The following ACSF2 variants were observed in gnomAD, a reference collection of about 807,000 sequenced individuals.
ACSF2 encodes acyl-CoA synthetase family member 2.
In ACSF2, 52 loss-of-function variants were observed where a neutral mutation model predicts 79.3. The ratio of observed to expected loss-of-function variants is 0.66; its 90% CI spans 0.53 to 0.83. ACSF2 has a LOEUF of 0.83. Among genes scored for constraint, ACSF2 ranks in the 40% least tolerant of loss-of-function variants. ACSF2 has a pLI of 0.00. For missense variants in ACSF2, 661 were observed against 803.3 expected (o/e 0.82, Z 2.14); for synonymous variants, 283 against 312.6 (o/e 0.91, Z 1.00).
At chr17:50,464,067 G>A in intron 9 of ACSF2, 151 bp from the exon 10 acceptor site, 1 of 1,185,938 alleles carries the variant, frequency 8.4e-7, no homozygotes, top group Non-Finnish European at 1.2e-6. Context: ...CAGTGTCCCT[G>A]GACACCAGCC....
chr17:50,467,939 G>A (rs1366895210), intron 10 of ACSF2: 4 of 1,283,398 alleles, frequency 3.1e-6, no homozygotes, highest in African/African-American at 1.5e-5. Context: ...AGAGGGACAG[G>A]GAACCTGGGG....
rs55706027 is a variant in ACSF2, at chr17:50,460,998, A to T, written c.324+126A>T. On this transcript the variant is annotated intron_variant, in intron 2 of 15. Transcript: ENST00000300441. ...GTGCTAGGGCTGCCAGAGAACCCCG[A>T]GGGATGGCAGGAGAAGGAGACAGGA... is the stretch of plus-strand genomic sequence containing the variant. The T allele has an allele frequency of 9.1e-3, 11,147 of 1,222,778 alleles. 78 individuals carry two copies. Among genetic ancestry groups the T allele is most frequent in the Non-Finnish European group, 0.011 (9,549 of 886,990 alleles). The allele number at this position is 1,222,778 out of a possible 1,614,324, so 75.7% of individuals were successfully genotyped here. A position where few individuals can be genotyped will look rare whatever the true frequency, so the allele number is the denominator to read the frequency against.
At chr17:50,462,091 A>G in intron 4 of ACSF2, 93 bp from the exon 5 acceptor site, 2 of 1,039,386 alleles carry the variant, frequency 1.9e-6, no homozygotes, top group Non-Finnish European at 2.9e-6. Flanking sequence ...AAGCGGGTGC[A>G]TCTGTATGAG....
At chr17:50,448,953 A>C (rs2031473410) in intron 1 of ACSF2, among the ~76,000 whole-genome samples, 1 of 151,992 alleles carries the variant, frequency 6.6e-6, no homozygotes, top group African/African-American at 2.4e-5. Context: ...ACTTTTTCAC[A>C]AACTATGTAT....
At chr17:50,451,891 A>T (rs2031702067) in intron 1 of ACSF2, among the ~76,000 whole-genome samples, 1 of 152,160 alleles carries the variant, frequency 6.6e-6, no homozygotes, top group African/African-American at 2.4e-5. Flanking sequence ...TTGAGTCATT[A>T]TGTGCATTAT....
At chr17:50,434,175 T>C (rs1327096716) in intron 1 of ACSF2, among the ~76,000 whole-genome samples, 2 of 151,500 alleles carry the variant, frequency 1.3e-5, no homozygotes, top group African/African-American at 4.8e-5. Context: ...ACAAATTAGT[T>C]GGGTGTGGTG....
chr17:50,464,307 T>C lies in ACSF2; in HGVS notation c.1215+13T>C, dbSNP rs375179745. ...GAAGGACCTGGTGGTGAGTGGTGACTGCGGCCCGGGCTGTGGGCAGGCCAG... is the reference window on the plus strand; with the variant it reads ...GAAGGACCTGGTGGTGAGTGGTGACCGCGGCCCGGGCTGTGGGCAGGCCAG... On this transcript the variant is annotated intron_variant, in intron 10 of 15. Transcript: ENST00000300441. The C allele has an allele frequency of 6.2e-7, 1 of 1,613,718 alleles. No homozygotes were observed. The highest frequency in any genetic ancestry group is 1.3e-5 in the African/African-American group (1 of 74,844).
At chr17:50,451,050 G>C (rs1009122108) in intron 1 of ACSF2, among the ~76,000 whole-genome samples, 4 of 152,120 alleles carry the variant, frequency 2.6e-5, no homozygotes, top group Non-Finnish European at 5.9e-5. Flanking sequence ...CTTCAGAGTA[G>C]CTAGGCCTCC....
At position 50,471,652 on chromosome 17, in the gene ACSF2, T is replaced by C; in HGVS notation, c.1323+517T>C. The C allele has an allele frequency of 6.0e-6, 1 of 166,156 alleles. No individual in the cohort carries two copies. The highest frequency in any genetic ancestry group is 2.4e-5 in the African/African-American group (1 of 41,996). 10.3% of individuals were successfully genotyped at this position (166,156 alleles called of 1,614,324 possible). A position where few individuals can be genotyped will look rare whatever the true frequency, so the allele number is the denominator to read the frequency against. On this transcript the variant is annotated intron_variant, in intron 11 of 15. Coordinates refer to ENST00000300441, the MANE Select transcript of ACSF2 (RefSeq NM_025149.6). This position sits in a 1 kb window ranked among gnomAD's most constrained non-coding sequence, Gnocchi z 4.1. ...TGCCCAGCCATGCCTCCTTTCCTGC[T>C]CCAACACTGGGGCTGTGCCAGCTGG...
At chr17:50,437,916 A>G (rs539571961) in intron 1 of ACSF2, among the ~76,000 whole-genome samples, 1 of 152,354 alleles carries the variant, frequency 6.6e-6, no homozygotes, top group South Asian at 2.1e-4. Context: ...AAAATTATAA[A>G]TGAAAGAAAA....
intron 1 of ACSF2, among the ~76,000 whole-genome samples, chr17:50,443,262 A>T (rs976077134): frequency 2.6e-5 from 4 of 152,116 alleles, no homozygotes; most frequent in Non-Finnish European, 4.4e-5. Context: ...TAGATCCCTA[A>T]AAGTAGAATT....
Position 50,464,233 on chromosome 17 carries a change from C to A in ACSF2, c.1154C>A (p.Ser385Tyr), listed in dbSNP as rs2143729585. ...TCTGATTCAGGTGTCATTGCTGGGT[C>A]CCCTGCACCTCCAGAGTTGATCCGA... ...STMCGGVIAG[S>Y]PAPPELIRAI... Residue 385 changes from serine (S) to tyrosine (Y), a missense_variant, in exon 10 of 16, where the codon TCC (serine) becomes TAC (tyrosine). By Grantham distance (144) the Ser-to-Tyr change is moderately radical (BLOSUM62 -2). Coordinates refer to ENST00000300441, the MANE Select transcript of ACSF2 (RefSeq NM_025149.6). The A allele has an allele frequency of 6.2e-7, 1 of 1,614,128 alleles. No homozygotes were observed. The highest frequency in any genetic ancestry group is 8.5e-7 in the Non-Finnish European group (1 of 1,180,024).
rs2033234400 is a variant in ACSF2 at position 50,473,986 on chromosome 17, A to C, written c.1710A>C (p.Lys570Asn). The C allele has an allele frequency of 5.3e-6, 8 of 1,514,980 alleles. No homozygotes were observed. The highest frequency in any genetic ancestry group is 7.1e-6 in the Non-Finnish European group (8 of 1,131,060). 93.8% of individuals were successfully genotyped at this position (1,514,980 alleles called of 1,614,324 possible). A position where few individuals can be genotyped will look rare whatever the true frequency, so the allele number is the denominator to read the frequency against. Residue 570 changes from lysine (K) to asparagine (N), a missense_variant, in exon 14 of 16, where the codon AAA becomes AAC. Coordinates refer to ENST00000300441, the MANE Select transcript of ACSF2 (RefSeq NM_025149.6). The part of the protein sequence containing the change: ...DGEETTVEEI[K>N]AFCKGKISHF... ...AGGAGACCACGGTGGAGGAGATAAA[A>C]GCTTTCTGCAAAGGGAAGGTGGGAG...
At chr17:50,436,330 C>T (rs532323525) in intron 1 of ACSF2, among the ~76,000 whole-genome samples, 47 of 152,060 alleles carry the variant, frequency 3.1e-4, no homozygotes, top group African/African-American at 1.0e-3. Context: ...GGGGTTTCAC[C>T]GTGTTAGCTA....
chr17:50,461,808 GTCCTTCCTTAGGCCA>G, intron 4 of ACSF2, 122 bp downstream of exon 4: 6 of 1,292,430 alleles, frequency 4.6e-6, no homozygotes, highest in Non-Finnish European at 6.7e-6. Flanking sequence ...TACGCAGAGT[GTCCTTCCTTAGGCCA>G]TGTGTGATTG....
intron 1 of ACSF2, among the ~76,000 whole-genome samples, chr17:50,439,048 A>T (rs950288860): frequency 1.3e-5 from 2 of 151,770 alleles, no homozygotes; most frequent in African/African-American, 2.4e-5. Flanking sequence ...TTTTTTGTGT[A>T]TCAATAAACA....
At chr17:50,467,949 G>A (rs1243654011) in intron 10 of ACSF2, 2 of 1,366,550 alleles carry the variant, frequency 1.5e-6, no homozygotes, top group East Asian at 4.7e-5. Context: ...GGAACCTGGG[G>A]ACGGGGGATG....
At chr17:50,452,290 G>T (rs1355020391) in intron 1 of ACSF2, among the ~76,000 whole-genome samples, 1 of 151,670 alleles carries the variant, frequency 6.6e-6, no homozygotes, top group Non-Finnish European at 1.5e-5. Context: ...TTCCCATGTC[G>T]CATTGAAAAA....
intron 10 of ACSF2, among the ~76,000 whole-genome samples, chr17:50,470,495 G>T (rs951976047): frequency 2.6e-5 from 4 of 152,138 alleles, no homozygotes; most frequent in African/African-American, 9.6e-5. Context: ...GAGCTTGGGG[G>T]ACGCCTGCCC....
Sources: gnomAD v4.1 joint callset for allele counts (sites outside exome capture counted in the v4.1 genomes callset) on GRCh38, gnomAD v4.1.1 for gene constraint, Gnocchi (gnomAD v3.1) non-coding constraint, MANE v1.5 for transcripts, NCBI Gene and HGNC (gene_info 2026-07-23, HGNC 2026-07-21) for gene names.